ELOVL2: variants seen among roughly 807,000 people sequenced by gnomAD.
ELOVL2 encodes the protein very long chain fatty acid elongase 2.
A neutral mutation model predicts 37.7 loss-of-function variants in ELOVL2; 38 were observed. The observed-to-expected ratio is 1.01, with a 90% CI of 0.78 to 1.32. The LOEUF (loss-of-function observed/expected upper bound fraction) is 1.32. ELOVL2 is among the 40% of genes most tolerant of loss of function. The pLI is 0.00. For synonymous variants in ELOVL2, 115 were observed against 122.3 expected (o/e 0.94, Z 0.40); for missense variants, 352 against 363.6 (o/e 0.97, Z 0.26).
At chr6:11,013,333 G>A (rs1278998605) in intron 1 of ELOVL2, among the ~76,000 whole-genome samples, 1 of 152,222 alleles carries the variant, frequency 6.6e-6, no homozygotes, top group Non-Finnish European at 1.5e-5. Flanking sequence ...GTAAAACATA[G>A]CATAAGCACA....
At position 10,982,138 on chromosome 6, in the gene ELOVL2, G is replaced by A. The variant is rs1189820374; in HGVS notation, c.*1643C>T. 1.3e-5 allele frequency: 2 copies of A among 152,210 alleles called. No homozygotes were observed. The highest frequency in any genetic ancestry group is 4.8e-5 in the African/African-American group (2 of 41,428). The allele number at this position is 152,210 out of a possible 1,614,324, so 9.4% of individuals were successfully genotyped here. A position where few individuals can be genotyped will look rare whatever the true frequency, so the allele number is the denominator to read the frequency against. ...ACAGAAATGGGTCGGCCGCACTGAAGGGAAGGAAGCAGGTGCAGTGCATCA... is the reference window on the plus strand; with the variant it reads ...ACAGAAATGGGTCGGCCGCACTGAAAGGAAGGAAGCAGGTGCAGTGCATCA... On this transcript the variant is annotated 3_prime_UTR_variant, in exon 8 of 8. Coordinates refer to ENST00000354666, the MANE Select transcript of ELOVL2 (RefSeq NM_017770.4).
At chr6:10,984,125 C>A (rs1451570300) in intron 7 of ELOVL2, among the ~76,000 whole-genome samples, 3 of 152,208 alleles carry the variant, frequency 2.0e-5, no homozygotes, top group East Asian at 3.8e-4. Context: ...TCAAGTGATT[C>A]TCCTGCCTCA....
In ELOVL2 at chr6:11,002,146, C is replaced by T. The variant is rs1313778891; in HGVS notation, c.256-1982G>A. On this transcript the variant is annotated intron_variant, in intron 3 of 7. Transcript: ENST00000354666. Reference sequence around the variant, plus strand: ...GCAAGCCAAATTCCTTCCAAGGGCCCAATGTCATCTGCCATCTCTCCACCT... The same window carrying T: ...GCAAGCCAAATTCCTTCCAAGGGCCTAATGTCATCTGCCATCTCTCCACCT... Among the ~76,000 whole-genome samples, 13 of 152,280 alleles carry T rather than the reference C, an allele frequency of 8.5e-5. 2 individuals carry two copies. The South Asian group carries it at 1.5e-3, about 17-fold the overall frequency.
intron 3 of ELOVL2, among the ~76,000 whole-genome samples, chr6:11,004,717 G>T (rs570787795): frequency 3.3e-5 from 5 of 152,208 alleles, no homozygotes; most frequent in African/African-American, 1.2e-4. Context: ...AAAATACTCG[G>T]TTAATCACTG....
intron 1 of ELOVL2, among the ~76,000 whole-genome samples, chr6:11,017,663 A>G (rs1782705083): frequency 6.6e-6 from 1 of 152,178 alleles, no homozygotes; most frequent in Admixed American, 6.5e-5. Context: ...CATCATCTCA[A>G]GGGCCTAGTT....
At chr6:11,012,067 T>G (rs189532270) in intron 1 of ELOVL2, among the ~76,000 whole-genome samples, 14 of 152,350 alleles carry the variant, frequency 9.2e-5, no homozygotes, top group African/African-American at 3.4e-4. Context: ...GCATGTTTGC[T>G]GCCTGGCACA....
intron 3 of ELOVL2, among the ~76,000 whole-genome samples, chr6:11,000,970 TGAAA>T (rs2113500838): frequency 6.6e-6 from 1 of 152,362 alleles, no homozygotes; most frequent in South Asian, 2.1e-4. Context: ...GAAAATGCTA[TGAAA>T]GAAGTTTTCT....
At chr6:11,022,953 A>G (rs1782787428) in intron 1 of ELOVL2, among the ~76,000 whole-genome samples, 1 of 152,244 alleles carries the variant, frequency 6.6e-6, no homozygotes, top group African/African-American at 2.4e-5. Context: ...TATATAAAAT[A>G]ACTTGCTTTA....
chr6:10,989,870 G>A (rs996303898), intron 6 of ELOVL2, 33 bp from the exon 7 acceptor site: 5 of 1,613,000 alleles, frequency 3.1e-6, no homozygotes, highest in East Asian at 2.2e-5. Flanking sequence ...CTCTGTGAGC[G>A]AGCCAGGCTG....
rs1782242518 is a variant in ELOVL2, at chr6:10,995,155, G to A, written c.357C>T (p.Tyr119=). ...DIRVAKVLWW[Y]YFSKSVEFLD... Reference sequence around the variant, plus strand: ...GGAACTCTACTGATTTGGAGAAATAGTACCACCAAAGCACCTTGGCTACCT... The same window carrying A: ...GGAACTCTACTGATTTGGAGAAATAATACCACCAAAGCACCTTGGCTACCT... Residue 119 remains tyrosine, a synonymous_variant, in exon 5 of 8, where the codon TAC becomes TAT. Coordinates refer to ENST00000354666, the MANE Select transcript of ELOVL2 (RefSeq NM_017770.4). 1.9e-6 allele frequency: 3 copies of A among 1,611,310 alleles called. No homozygotes were observed. Among genetic ancestry groups the A allele is most frequent in the Non-Finnish European group, 2.5e-6 (3 of 1,178,898 alleles).
intron 4 of ELOVL2, among the ~76,000 whole-genome samples, chr6:10,996,031 T>TA (rs764612452): frequency 3.9e-5 from 6 of 152,238 alleles, no homozygotes; most frequent in Non-Finnish European, 8.8e-5. Context: ...GAGGTCATGA[T>TA]AACACATCCT....
At position 10,990,488 on chromosome 6, in the gene ELOVL2, G is replaced by C. The variant is rs78128406; in HGVS notation, c.506-46C>G. 6,786 of 1,518,098 alleles carry C rather than the reference G, an allele frequency of 4.5e-3. 264 individuals carry two copies. The African/African-American group carries it at 0.085, about 19-fold the overall frequency. The allele number at this position is 1,518,098 out of a possible 1,614,324, so 94.0% of individuals were successfully genotyped here. ...AATCACTATTCTTCCAGGAAGGACTGTTCATTCTTCTTTGTCAAGTGAGAT... is the reference window on the plus strand; with the variant it reads ...AATCACTATTCTTCCAGGAAGGACTCTTCATTCTTCTTTGTCAAGTGAGAT... On this transcript the variant is annotated intron_variant, in intron 5 of 7. Coordinates refer to ENST00000354666, the MANE Select transcript of ELOVL2 (RefSeq NM_017770.4).
intron 1 of ELOVL2, among the ~76,000 whole-genome samples, chr6:11,025,626 A>G (rs1782827357): frequency 6.6e-6 from 1 of 152,252 alleles, no homozygotes; most frequent in Non-Finnish European, 1.5e-5. Context: ...AAACAAAGTT[A>G]GAAAAGCACA....
intron 7 of ELOVL2, among the ~76,000 whole-genome samples, chr6:10,984,460 T>G (rs928887892): frequency 3.6e-4 from 55 of 150,788 alleles, no homozygotes; most frequent in African/African-American, 1.2e-3. Context: ...GCTGCACCCA[T>G]TAACTCGTCA....
At chr6:11,037,134 G>A (rs1168761872) in intron 1 of ELOVL2, among the ~76,000 whole-genome samples, 1 of 148,196 alleles carries the variant, frequency 6.7e-6, no homozygotes, top group Non-Finnish European at 1.5e-5. Flanking sequence ...GAGACAGAGA[G>A]GGAGAGAGAG....
Position 10,993,857 on chromosome 6 carries a change from ATTTTTTTTTTTTTTTT to A in ELOVL2, c.505+1134_505+1149del, listed in dbSNP as rs530539525. On this transcript the variant is annotated intron_variant, in intron 5 of 7. Coordinates refer to ENST00000354666, the MANE Select transcript of ELOVL2 (RefSeq NM_017770.4). ...AAGTGCACGTCACCACGCCCAGCTA[ATTTTTTTTTTTTTTTT>A]TTTTTTTTTTTTTGGTAGAGATGGG... Among the ~76,000 whole-genome samples the A allele has an allele frequency of 7.6e-5, 6 of 79,100 alleles. No homozygotes were observed. In the South Asian group the frequency reaches 1.7e-3, roughly 22 times the overall value. 51.9% of individuals were successfully genotyped at this position (79,100 alleles called of 152,430 possible).
chr6:11,002,944 T>G (rs1453154304), intron 3 of ELOVL2, among the ~76,000 whole-genome samples: 1 of 152,194 alleles, frequency 6.6e-6, no homozygotes, highest in Non-Finnish European at 1.5e-5. Flanking sequence ...GGAGAAATAT[T>G]GTATCTCTGC....
intron 2 of ELOVL2, among the ~76,000 whole-genome samples, chr6:11,006,477 T>C (rs923565862): frequency 6.6e-6 from 1 of 152,236 alleles, no homozygotes; most frequent in Non-Finnish European, 1.5e-5. Context: ...CCCAGAATTA[T>C]AAAAATTGCA....
intron 4 of ELOVL2, among the ~76,000 whole-genome samples, chr6:10,998,411 G>A (rs1477583487): frequency 1.3e-5 from 2 of 152,118 alleles, no homozygotes; most frequent in African/African-American, 2.4e-5. Flanking sequence ...CATATGAAAG[G>A]CAAGATAAAT....
Sources: gnomAD v4.1 joint callset for allele counts (sites outside exome capture counted in the v4.1 genomes callset) on GRCh38, gnomAD v4.1.1 for gene constraint, MANE v1.5 for transcripts, NCBI Gene and HGNC (gene_info 2026-07-23, HGNC 2026-07-21) for gene names.